FSIP2: variants seen among roughly 807,000 people sequenced by gnomAD.
FSIP2 encodes fibrous sheath interacting protein 2.
A neutral mutation model predicts 510.5 loss-of-function variants in FSIP2; 367 were observed. That is an observed-to-expected ratio of 0.72 (90% confidence interval 0.66 to 0.78). The LOEUF is 0.78. FSIP2 is among the 30% of genes least tolerant of loss of function. The pLI, the probability that FSIP2 is intolerant of heterozygous loss-of-function variation, is 0.00. For missense variants in FSIP2, 7,594 were observed against 7,901.7 expected (o/e 0.96, Z 1.48); for synonymous variants, 2,601 against 2,732.2 (o/e 0.95, Z 1.50).
intron 7 of FSIP2, among the ~76,000 whole-genome samples, chr2:185,751,008 G>A (rs1257342736): frequency 6.6e-6 from 1 of 151,084 alleles, no homozygotes; most frequent in Non-Finnish European, 1.5e-5. Flanking sequence ...CCAAACTCTG[G>A]TCATTTTGGG....
At position 185,793,017 on chromosome 2, in the gene FSIP2, T is replaced by C. The variant is rs545924447; in HGVS notation, c.5881T>C (p.Leu1961=). 12 of 1,534,374 alleles carry C rather than the reference T, an allele frequency of 7.8e-6. No homozygotes were observed. In the Admixed American group the frequency reaches 1.8e-4, roughly 23 times the overall value. ...ALPIQQDHST[L]SKALSAKDSY... ...ACCTATTCAGCAAGATCACAGTACA[T>C]TGAGCAAAGCATTATCAGCCAAAGA... Residue 1961 remains leucine, a synonymous_variant, in exon 16 of 23, where the codon TTG becomes CTG. Coordinates refer to ENST00000424728, the MANE Select transcript of FSIP2 (RefSeq NM_173651.4).
At position 185,809,137 on chromosome 2, in the gene FSIP2, A is replaced by G. The variant is rs1479058381; in HGVS notation, c.19827+4A>G. ...ACTGGATGTAAAACCCCTAGAGGTA[A>G]GTGCAAAAGCAATGGCATGAAAATG... On this transcript the variant is annotated splice_donor_region_variant and intron_variant, in intron 17 of 22. Coordinates refer to ENST00000424728, the MANE Select transcript of FSIP2 (RefSeq NM_173651.4). 4 of 1,542,430 alleles carry G rather than the reference A, an allele frequency of 2.6e-6. No homozygotes were observed. The highest frequency in any genetic ancestry group is 1.3e-5 in the South Asian group (1 of 77,614).
rs931758659 is a variant in FSIP2, at chr2:185,807,512, A to G, written c.18206A>G (p.Tyr6069Cys). Residue 6069 changes from tyrosine to cysteine, a missense_variant, in exon 17 of 23, where the codon TAT (tyrosine) becomes TGT (cysteine). Physicochemically the swap from Tyr to Cys is radical, Grantham distance 194. Coordinates refer to ENST00000424728, the MANE Select transcript of FSIP2 (RefSeq NM_173651.4). ...CAAGATAAATATATGACTATACAGTATGTAGAAACCTTACAATCTGATGAT... is the reference window on the plus strand; with the variant it reads ...CAAGATAAATATATGACTATACAGTGTGTAGAAACCTTACAATCTGATGAT... ...ISQDKYMTIQ[Y>C]VETLQSDDDE... 4 of 1,610,810 alleles carry G rather than the reference A, an allele frequency of 2.5e-6. No individual in the cohort carries two copies. The highest frequency in any genetic ancestry group is 2.7e-5 in the African/African-American group (2 of 74,778).
chr2:185,745,624 G>A (rs1350978182), intron 5 of FSIP2, 56 bp downstream of exon 5: 7 of 1,366,724 alleles, frequency 5.1e-6, no homozygotes, highest in Non-Finnish European at 5.9e-6. Context: ...AAATAAGCTG[G>A]AAAATACTAG....
At chr2:185,764,608 T>G (rs1692425774) in intron 13 of FSIP2, 43 bp downstream of exon 13, 2 of 1,298,930 alleles carry the variant, frequency 1.5e-6, no homozygotes, top group South Asian at 1.3e-5. Flanking sequence ...TGCATTCTAT[T>G]TATTCTTTCA....
At chr2:185,747,701 TAGA>T (rs1692061182) in intron 7 of FSIP2, among the ~76,000 whole-genome samples, 2 of 152,100 alleles carry the variant, frequency 1.3e-5, no homozygotes, top group Admixed American at 1.3e-4. Flanking sequence ...TAACTTTTTT[TAGA>T]ACTAGCAGTT....
chr2:185,738,733 G>A (rs1691840217), upstream of FSIP2: 7 of 1,536,006 alleles, frequency 4.6e-6, no homozygotes, highest in Non-Finnish European at 5.2e-6. Context: ...GGAGGCCACC[G>A]CCCTTCTGGG....
intron 17 of FSIP2, among the ~76,000 whole-genome samples, chr2:185,810,883 C>T (rs563715968): frequency 1.3e-5 from 2 of 151,938 alleles, no homozygotes; most frequent in African/African-American, 4.8e-5. Flanking sequence ...CTGATGAGGT[C>T]TCAGATGGAA....
Position 185,790,871 on chromosome 2 carries a change from G to T in FSIP2, c.3735G>T (p.Trp1245Cys), listed in dbSNP as rs1199673683. Residue 1245 changes from tryptophan to cysteine, a missense_variant, in exon 16 of 23, where the codon TGG becomes TGT. Physicochemically the swap from Trp to Cys is radical, Grantham distance 215. Coordinates refer to ENST00000424728, the MANE Select transcript of FSIP2 (RefSeq NM_173651.4). ...LFDVDPEKPP[W>C]LKSGKSEPKP... ...ACGTTGATCCTGAAAAGCCTCCCTG[G>T]TTAAAATCTGGAAAAAGTGAACCTA... 6.5e-7 allele frequency: 1 copy of T among 1,531,676 alleles called. No homozygotes were observed. Among genetic ancestry groups the T allele is most frequent in the Non-Finnish European group, 8.7e-7 (1 of 1,144,496 alleles). 94.9% of individuals were successfully genotyped at this position (1,531,676 alleles called of 1,614,324 possible).
chr2:185,754,721 C>T (rs1462547577), intron 8 of FSIP2, among the ~76,000 whole-genome samples: 3 of 151,468 alleles, frequency 2.0e-5, no homozygotes, highest in Admixed American at 6.6e-5. Context: ...CTTTATTTTA[C>T]ACTACATCCT....
chr2:185,772,500 C>A (rs1339094789), intron 13 of FSIP2, among the ~76,000 whole-genome samples: 1 of 152,130 alleles, frequency 6.6e-6, no homozygotes, highest in Non-Finnish European at 1.5e-5. Flanking sequence ...GCAGGCATAT[C>A]ACATGGTAAG....
At chr2:185,782,586 C>T (rs1692875427) in intron 13 of FSIP2, 119 bp from the exon 14 acceptor site, 1 of 672,194 alleles carries the variant, frequency 1.5e-6, no homozygotes, top group Admixed American at 2.2e-5. Context: ...GTGGAGAGTC[C>T]CTGAAAGCCT....
At chr2:185,819,932 T>C (rs898113547) in intron 19 of FSIP2, among the ~76,000 whole-genome samples, 1 of 151,904 alleles carries the variant, frequency 6.6e-6, no homozygotes, top group Non-Finnish European at 1.5e-5. Flanking sequence ...AGCTCCAAAA[T>C]ATATTAAATA....
chr2:185,805,065 T>A lies in FSIP2; in HGVS notation c.15759T>A (p.Tyr5253Ter). The part of the protein sequence containing the change: ...EESSFSDLSD[Y>*]DHVSELAKSG... ...CATCTTTCAGTGACTTATCTGATTA[T>A]GACCATGTCTCTGAACTTGCTAAAT... The change falls in exon 17 of 23, where the codon TAT becomes TAA. Residue 5253 changes from tyrosine to a stop codon, truncating the protein, a stop_gained. Transcript: ENST00000424728. LOFTEE classifies it high-confidence loss of function. 6.2e-7 allele frequency: 1 copy of A among 1,602,640 alleles called. No homozygotes were observed. The highest frequency in any genetic ancestry group is 8.5e-7 in the Non-Finnish European group (1 of 1,176,480).
In FSIP2 at chr2:185,808,399, T is replaced by C; in HGVS notation, c.19093T>C (p.Ser6365Pro). The C allele has an allele frequency of 6.2e-7, 1 of 1,610,296 alleles. No homozygotes were observed. The highest frequency in any genetic ancestry group is 1.1e-5 in the South Asian group (1 of 90,390). ...FLAKLIRLPSSSSKDEKNLSK... is the reference protein window; with the variant it reads ...FLAKLIRLPSPSSKDEKNLSK... ...GGCTAAACTAATAAGGTTGCCAAGT[T>C]CCTCAAGCAAAGATGAAAAAAACTT... is the stretch of plus-strand genomic sequence containing the variant. The change falls in exon 17 of 23, where the codon TCC becomes CCC. Residue 6365 changes from serine to proline, a missense_variant. Coordinates refer to ENST00000424728, the MANE Select transcript of FSIP2 (RefSeq NM_173651.4).
intron 19 of FSIP2, among the ~76,000 whole-genome samples, chr2:185,818,974 C>T (rs1693869441): frequency 6.6e-6 from 1 of 151,642 alleles, no homozygotes; most frequent in Non-Finnish European, 1.5e-5. Context: ...TTTTTATTTT[C>T]TAAAGGATTT....
Position 185,808,829 on chromosome 2 carries a change from T to G in FSIP2, c.19523T>G (p.Leu6508Ter). Residue 6508 changes from leucine (L) to a stop codon, truncating the protein, a stop_gained, in exon 17 of 23, where the codon TTA (leucine) becomes TGA (stop). Coordinates refer to ENST00000424728, the MANE Select transcript of FSIP2 (RefSeq NM_173651.4). LOFTEE classifies it high-confidence loss of function. The part of the protein sequence containing the change: ...NVIPELEQEK[L>*]DQNLSEEESP... ...ATTCCTGAATTAGAGCAAGAAAAGT[T>G]AGATCAAAATTTATCTGAAGAGGAA... The G allele has an allele frequency of 6.2e-7, 1 of 1,612,682 alleles. No homozygotes were observed. The highest frequency in any genetic ancestry group is 1.1e-5 in the South Asian group (1 of 90,870).
chr2:185,826,761 T>C lies in FSIP2; in HGVS notation c.20474-1395T>C, dbSNP rs1694017994. Among the ~76,000 whole-genome samples, 4 of 151,844 alleles carry C rather than the reference T, an allele frequency of 2.6e-5. No individual in the cohort carries two copies. In the South Asian group the frequency reaches 6.2e-4, roughly 24 times the overall value. ...GGGATTAATGAGATAGGAGAGACTA[T>C]TGGAGCAACCAAAGGTGAAGGAGGA... On this transcript the variant is annotated intron_variant, in intron 20 of 22. Transcript: ENST00000424728.
intron 7 of FSIP2, among the ~76,000 whole-genome samples, chr2:185,749,591 G>A (rs1692103176): frequency 6.6e-6 from 1 of 151,736 alleles, no homozygotes; most frequent in Non-Finnish European, 1.5e-5. Flanking sequence ...TGTGAATAAA[G>A]GGAGTTTTAT....
Sources: allele counts gnomAD v4.1 joint callset (sites outside exome capture counted in the v4.1 genomes callset), GRCh38; gene constraint gnomAD v4.1.1; transcripts MANE v1.5; gene names NCBI Gene and HGNC (gene_info 2026-07-23, HGNC 2026-07-21).